Variants in METTL15 observed in about 807,000 individuals in gnomAD.
The protein encoded by METTL15 is 12S rRNA N(4)-cytidine methyltransferase METTL15.
In METTL15, 34 loss-of-function variants were observed where a neutral mutation model predicts 38.3. That is an observed-to-expected ratio of 0.89 (90% CI 0.68 to 1.18). The LOEUF (loss-of-function observed/expected upper bound fraction) is 1.18, where lower values mean the gene tolerates loss of function less well. Among genes scored for constraint, METTL15 ranks in the 50% most tolerant of loss-of-function variants. The probability of loss-of-function intolerance (pLI) is 0.00; values close to 1 mark genes in which losing one functional copy is unlikely to be tolerated. For missense variants in METTL15, 438 were observed against 498.4 expected (o/e 0.88, Z 1.15); for synonymous variants, 162 against 170.9 (o/e 0.95, Z 0.41).
At chr11:28,139,296 A>T (rs1340984883) in intron 3 of METTL15, among the ~76,000 whole-genome samples, 1 of 152,132 alleles carries the variant, frequency 6.6e-6, no homozygotes, top group Non-Finnish European at 1.5e-5. Context: ...GAGGCATTTG[A>T]GAGAAATACA....
intron 6 of METTL15, among the ~76,000 whole-genome samples, chr11:28,435,608 C>G (rs1243875755): frequency 1.3e-5 from 2 of 152,202 alleles, no homozygotes; most frequent in African/African-American, 4.8e-5. Context: ...GCAGAGATGT[C>G]TCTCTACAAG....
intron 6 of METTL15, among the ~76,000 whole-genome samples, chr11:28,321,907 A>G (rs1428327781): frequency 6.6e-6 from 1 of 152,064 alleles, no homozygotes. Context: ...ATCCATCTGT[A>G]TATAGAAATG....
intron 4 of METTL15, among the ~76,000 whole-genome samples, chr11:28,271,108 C>T (rs1370191017): frequency 1.3e-5 from 2 of 152,012 alleles, no homozygotes; most frequent in Non-Finnish European, 2.9e-5. Flanking sequence ...TAAGTCTAGC[C>T]CTGGCATTTT....
chr11:28,368,168 G>GA (rs1174001399), intron 5 of METTL15, among the ~76,000 whole-genome samples: 1 of 104,754 alleles, frequency 9.5e-6, no homozygotes, highest in Non-Finnish European at 2.1e-5. Context: ...AAAAAACAAA[G>GA]AAAAAAACAG....
intron 6 of METTL15, among the ~76,000 whole-genome samples, chr11:28,306,492 G>A (rs1345206657): frequency 6.6e-5 from 10 of 151,916 alleles, no homozygotes; most frequent in Non-Finnish European, 1.5e-4. Flanking sequence ...CATATTATTT[G>A]TACTGTCTTG....
At chr11:28,223,891 A>G (rs1235197334) in intron 4 of METTL15, among the ~76,000 whole-genome samples, 1 of 152,108 alleles carries the variant, frequency 6.6e-6, no homozygotes, top group East Asian at 1.9e-4. Flanking sequence ...TGGATATTGG[A>G]AGACAATTTT....
At chr11:28,172,538 C>G (rs966517728) in intron 3 of METTL15, among the ~76,000 whole-genome samples, 2 of 152,004 alleles carry the variant, frequency 1.3e-5, no homozygotes, top group Non-Finnish European at 2.9e-5. Context: ...GTTATTGTTC[C>G]TAATAGCTTC....
At chr11:28,495,251 G>C (rs191861404) in intron 6 of METTL15, among the ~76,000 whole-genome samples, 1 of 152,308 alleles carries the variant, frequency 6.6e-6, no homozygotes, top group Non-Finnish European at 1.5e-5. Context: ...TCTGAGGGAG[G>C]TGAAAATACA....
intron 6 of METTL15, among the ~76,000 whole-genome samples, chr11:28,441,059 C>CTTT (rs35401554): frequency 2.1e-5 from 3 of 141,820 alleles, no homozygotes; most frequent in Non-Finnish European, 3.0e-5. Flanking sequence ...TATGACACTA[C>CTTT]TTTTTTTTTT....
At chr11:28,453,104 T>C (rs905348185) in intron 6 of METTL15, among the ~76,000 whole-genome samples, 1 of 152,166 alleles carries the variant, frequency 6.6e-6, no homozygotes, top group African/African-American at 2.4e-5. Flanking sequence ...ATGAGATGCT[T>C]TTTCTTTTTA....
chr11:28,173,627 G>C (rs1348883166), intron 3 of METTL15, among the ~76,000 whole-genome samples: 3 of 152,126 alleles, frequency 2.0e-5, no homozygotes, highest in Non-Finnish European at 2.9e-5. Flanking sequence ...AACTAATACT[G>C]ATACACAATC....
chr11:28,310,834 G>A (rs940960201), intron 6 of METTL15, among the ~76,000 whole-genome samples: 11 of 149,634 alleles, frequency 7.4e-5, no homozygotes, highest in South Asian at 2.1e-4. Flanking sequence ...ATCTCTTTCC[G>A]TCTCCACCAG....
chr11:28,318,485 A>C (rs1849348271), intron 6 of METTL15, among the ~76,000 whole-genome samples: 1 of 152,216 alleles, frequency 6.6e-6, no homozygotes, highest in Middle Eastern at 3.2e-3. Flanking sequence ...GTATGTGCAG[A>C]AGCACAGAAA....
chr11:28,122,165 A>G, intron 3 of METTL15: 1 of 1,240,506 alleles, frequency 8.1e-7, no homozygotes, highest in Non-Finnish European at 1.0e-6. Flanking sequence ...GGAGTGTGGG[A>G]ATATGAATCC....
In METTL15 at chr11:28,237,685, TTA is replaced by T. The variant is rs545759690; in HGVS notation, c.407+26488_407+26489del. On this transcript the variant is annotated intron_variant, in intron 4 of 6. Transcript: ENST00000407364. ...TGGAGGAGGAGAGGCGCTCTGTTTTTTAGAGTTTCCACTTTTTCTGCTCTGTT... is the reference window on the plus strand; with the variant it reads ...TGGAGGAGGAGAGGCGCTCTGTTTTTGAGTTTCCACTTTTTCTGCTCTGTT... Among the ~76,000 whole-genome samples, 70 of 152,318 alleles carry T rather than the reference TTA, an allele frequency of 4.6e-4. 2 individuals are homozygous for T. In the South Asian group the frequency reaches 0.015, roughly 32 times the overall value.
chr11:28,492,860 G>A (rs1450328350), intron 6 of METTL15, among the ~76,000 whole-genome samples: 5 of 152,100 alleles, frequency 3.3e-5, no homozygotes, highest in Admixed American at 6.5e-5. Flanking sequence ...GATTTTTCAG[G>A]TACATCAGGT....
chr11:28,223,168 C>G (rs150859758), intron 4 of METTL15, among the ~76,000 whole-genome samples: 1 of 152,102 alleles, frequency 6.6e-6, no homozygotes, highest in African/African-American at 2.4e-5. Flanking sequence ...TTTATATATA[C>G]ATCGCTTGTG....
Position 28,113,520 on chromosome 11 carries a change from T to A in METTL15, c.186T>A (p.Asp62Glu). ...TQAQELHRSQDRDFETMAKLH... is the reference protein window; with the variant it reads ...TQAQELHRSQERDFETMAKLH... ...CCCAGGAGTTACACAGATCTCAAGA[T>A]AGAGATTTTGAAACTATGGCTAAAT... Residue 62 changes from aspartate to glutamate, a missense_variant, in exon 3 of 7, where the codon GAT becomes GAA. Physicochemically the swap from Asp to Glu is conservative, Grantham distance 45. Transcript: ENST00000407364. 6.2e-7 allele frequency: 1 copy of A among 1,613,564 alleles called. No homozygotes were observed. Among genetic ancestry groups the A allele is most frequent in the Non-Finnish European group, 8.5e-7 (1 of 1,179,826 alleles).
intron 4 of METTL15, among the ~76,000 whole-genome samples, chr11:28,260,068 C>G (rs1366249266): frequency 2.0e-5 from 3 of 152,186 alleles, no homozygotes; most frequent in Non-Finnish European, 4.4e-5. Flanking sequence ...CTGCAAAAGT[C>G]TTCTAATTTT....
Sources: allele counts gnomAD v4.1 joint callset (sites outside exome capture counted in the v4.1 genomes callset), GRCh38; gene constraint gnomAD v4.1.1; transcripts MANE v1.5; gene names NCBI Gene and HGNC (gene_info 2026-07-23, HGNC 2026-07-21).